Variants in DNAAF9 observed in about 807,000 individuals in gnomAD.
The protein encoded by DNAAF9 is shulin.
DNAAF9 carries 90 observed loss-of-function variants against 167.0 expected under a neutral mutation model. The ratio of observed to expected loss-of-function variants is 0.54; its 90% CI spans 0.45 to 0.64. The LOEUF (loss-of-function observed/expected upper bound fraction) is 0.64. Among genes scored for constraint, DNAAF9 ranks in the 30% least tolerant of loss-of-function variants. The pLI is 0.00. For synonymous variants in DNAAF9, 491 were observed against 508.8 expected, an observed-to-expected ratio of 0.96 and a Z score of 0.47; for missense variants, 1,315 against 1,442.2, an observed-to-expected ratio of 0.91 and a Z score of 1.43.
At chr20:3,314,348 C>T (rs1015314125) in intron 20 of DNAAF9, among the ~76,000 whole-genome samples, 2 of 151,932 alleles carry the variant, frequency 1.3e-5, no homozygotes, top group African/African-American at 2.4e-5. Flanking sequence ...TGCTGATAGC[C>T]GAAGAGGAAT....
intron 3 of DNAAF9, among the ~76,000 whole-genome samples, chr20:3,379,486 C>T (rs964942109): frequency 3.3e-5 from 5 of 151,774 alleles, no homozygotes; most frequent in East Asian, 3.9e-4. Context: ...CCCAGCTGCT[C>T]GGGAGGCTGA....
At chr20:3,259,432 T>C (rs370645959) in intron 33 of DNAAF9, 48 bp downstream of exon 33, 9 of 1,165,058 alleles carry the variant, frequency 7.7e-6, no homozygotes, top group Admixed American at 5.0e-5. Context: ...CATCATGAGA[T>C]GCAAGCACTC....
Position 3,394,942 on chromosome 20 carries a change from C to CTTTTTTTT in DNAAF9, c.84-12437_84-12436insAAAAAAAA, listed in dbSNP as rs1258382355. 1.9e-3 allele frequency among the ~76,000 whole-genome samples: 171 copies of CTTTTTTTT among 89,020 alleles called. 12 individuals are homozygous for CTTTTTTTT. The highest frequency in any genetic ancestry group is 2.4e-3 in the Non-Finnish European group (104 of 42,868). 58.4% of individuals were successfully genotyped at this position (89,020 alleles called of 152,430 possible). A position where few individuals can be genotyped will look rare whatever the true frequency, so the allele number is the denominator to read the frequency against. ...TTCCATGGCTTTTACTGAACATTTT[C>CTTTTTTTT]TTTTTTCTTTTTTTTTTTTTTTTTT... On this transcript the variant is annotated intron_variant, in intron 1 of 36. Coordinates refer to ENST00000252032, the MANE Select transcript of DNAAF9 (RefSeq NM_001009984.3).
At chr20:3,347,490 T>C (rs2070216438) in intron 8 of DNAAF9, among the ~76,000 whole-genome samples, 1 of 152,270 alleles carries the variant, frequency 6.6e-6, no homozygotes, top group Admixed American at 6.5e-5. Context: ...CATGGGCAAA[T>C]ATATTACACT....
intron 30 of DNAAF9, among the ~76,000 whole-genome samples, chr20:3,269,687 C>T (rs1210185073): frequency 6.6e-6 from 1 of 152,032 alleles, no homozygotes; most frequent in Non-Finnish European, 1.5e-5. Context: ...AGGCGTGGTG[C>T]CTCACGCCTG....
intron 7 of DNAAF9, among the ~76,000 whole-genome samples, chr20:3,358,974 A>G (rs2083325150): frequency 6.6e-6 from 1 of 152,118 alleles, no homozygotes; most frequent in Non-Finnish European, 1.5e-5. Flanking sequence ...ATTTTTGTAA[A>G]TAGTTTCCTG....
chr20:3,288,356 A>G (rs964279388), intron 26 of DNAAF9, among the ~76,000 whole-genome samples: 1 of 152,234 alleles, frequency 6.6e-6, no homozygotes, highest in African/African-American at 2.4e-5. Context: ...GGGCTGAGGC[A>G]GGAGAATCGC....
At chr20:3,356,000 T>C (rs2083281346) in intron 7 of DNAAF9, among the ~76,000 whole-genome samples, 1 of 152,152 alleles carries the variant, frequency 6.6e-6, no homozygotes. Flanking sequence ...ATCACTACAT[T>C]AAAACGTTTT....
chr20:3,373,319 C>T lies in DNAAF9; in HGVS notation c.612+729G>A, dbSNP rs956248348. ...CCATTTCTAGCATGACAATGTTCCC[C>T]GTCCCTGGTTTCCTGTACTGGGCAG... On this transcript the variant is annotated intron_variant, in intron 6 of 36. Coordinates refer to ENST00000252032, the MANE Select transcript of DNAAF9 (RefSeq NM_001009984.3). Among the ~76,000 whole-genome samples the T allele has an allele frequency of 8.5e-5, 13 of 152,300 alleles. No homozygotes were observed. In the South Asian group the frequency reaches 1.7e-3, roughly 19 times the overall value.
chr20:3,254,980 A>G (rs2068253694), intron 35 of DNAAF9, among the ~76,000 whole-genome samples: 2 of 152,196 alleles, frequency 1.3e-5, no homozygotes, highest in African/African-American at 4.8e-5. Context: ...AGCTTCTCCC[A>G]CAAGTACTGG....
At chr20:3,336,835 G>A (rs564689674) in intron 10 of DNAAF9, among the ~76,000 whole-genome samples, 58 of 151,674 alleles carry the variant, frequency 3.8e-4, no homozygotes, top group African/African-American at 1.3e-3. Flanking sequence ...AAGCCACCGC[G>A]CCTGGTCTAT....
chr20:3,377,727 G>C (rs987337722), intron 3 of DNAAF9, among the ~76,000 whole-genome samples: 10 of 152,018 alleles, frequency 6.6e-5, no homozygotes, highest in African/African-American at 1.9e-4. Context: ...TGAAGTGCTA[G>C]GATTATAGGT....
intron 26 of DNAAF9, among the ~76,000 whole-genome samples, 191 bp downstream of exon 26, chr20:3,289,938 G>T (rs1424398279): frequency 6.6e-6 from 1 of 152,106 alleles, no homozygotes; most frequent in Non-Finnish European, 1.5e-5. Context: ...TATGTTCATC[G>T]ATGTATTCTC....
At chr20:3,321,404 C>A (rs1386785103) in intron 16 of DNAAF9, among the ~76,000 whole-genome samples, 4 of 152,120 alleles carry the variant, frequency 2.6e-5, no homozygotes, top group Admixed American at 2.0e-4. Flanking sequence ...GCAATTATAA[C>A]ATGATGGTAA....
chr20:3,255,359 T>C, intron 34 of DNAAF9, 75 bp from the exon 35 acceptor site: 1 of 883,710 alleles, frequency 1.1e-6, no homozygotes. Context: ...GGCTCTGGGC[T>C]CTATTACACA....
chr20:3,373,617 A>G (rs1332487515), intron 6 of DNAAF9, among the ~76,000 whole-genome samples: 1 of 152,228 alleles, frequency 6.6e-6, no homozygotes, highest in Non-Finnish European at 1.5e-5. Context: ...CTCAAATTAT[A>G]TAAATTTCTG....
intron 20 of DNAAF9, among the ~76,000 whole-genome samples, chr20:3,311,830 G>A (rs1477435024): frequency 6.6e-6 from 1 of 152,184 alleles, no homozygotes; most frequent in Non-Finnish European, 1.5e-5. Context: ...GCCACAGACA[G>A]CAGGGCGGGG....
intron 10 of DNAAF9, 31 bp downstream of exon 10, chr20:3,340,473 T>C: frequency 2.3e-6 from 1 of 436,916 alleles, no homozygotes; most frequent in Non-Finnish European, 3.4e-6. Flanking sequence ...ATAATAAAAC[T>C]AATCAAGCAC....
intron 29 of DNAAF9, among the ~76,000 whole-genome samples, chr20:3,274,568 T>C (rs182422674): frequency 6.2e-4 from 94 of 152,348 alleles, no homozygotes; most frequent in African/African-American, 2.1e-3. Flanking sequence ...TGGGTGATAC[T>C]AGACAAATTG....
Sources: allele counts gnomAD v4.1 joint callset (sites outside exome capture counted in the v4.1 genomes callset), GRCh38; gene constraint gnomAD v4.1.1; transcripts MANE v1.5; gene names NCBI Gene and HGNC (gene_info 2026-07-23, HGNC 2026-07-21).